Variants in FBXL17 observed in about 807,000 individuals in gnomAD.
FBXL17 encodes the protein F-box and leucine rich repeat protein 17.
In FBXL17, 22 loss-of-function variants were observed where a neutral mutation model predicts 66.2. The observed-to-expected ratio is 0.33, with a 90% CI of 0.24 to 0.47. The LOEUF is 0.47. Ranked by LOEUF, FBXL17 falls within the 20% of genes least tolerant of loss-of-function variation. FBXL17 has a pLI of 1.00. For missense variants in FBXL17, 878 were observed against 948.2 expected, an observed-to-expected ratio of 0.93 and a Z score of 0.97; for synonymous variants, 474 against 400.5, an observed-to-expected ratio of 1.18 and a Z score of -2.19.
chr5:108,019,570 G>A (rs1178467980), intron 7 of FBXL17, among the ~76,000 whole-genome samples: 1 of 151,932 alleles, frequency 6.6e-6, no homozygotes, highest in Non-Finnish European at 1.5e-5. Context: ...GTAATGACAA[G>A]TTTCAAATGA....
intron 4 of FBXL17, among the ~76,000 whole-genome samples, chr5:108,262,066 A>ATTTTTTTTTTT (rs1164308201): frequency 3.7e-5 from 5 of 134,030 alleles, no homozygotes; most frequent in African/African-American, 1.2e-4. Flanking sequence ...TTATTTATTT[A>ATTTTTTTTTTT]TTTATTTATT....
chr5:108,209,528 G>A (rs553432983), intron 5 of FBXL17, among the ~76,000 whole-genome samples: 79 of 152,230 alleles, frequency 5.2e-4, no homozygotes, highest in African/African-American at 1.9e-3. Flanking sequence ...AAGGGGTGTT[G>A]AATTTTGTCG....
At chr5:108,304,085 T>C (rs1301005910) in intron 4 of FBXL17, among the ~76,000 whole-genome samples, 1 of 151,870 alleles carries the variant, frequency 6.6e-6, no homozygotes, top group Non-Finnish European at 1.5e-5. Context: ...AAGACATGTG[T>C]CTCCACCCAT....
At chr5:108,033,040 T>G (rs1746704311) in intron 6 of FBXL17, among the ~76,000 whole-genome samples, 1 of 152,178 alleles carries the variant, frequency 6.6e-6, no homozygotes, top group Non-Finnish European at 1.5e-5. Context: ...GGTATGTATT[T>G]AAAACTTGAA....
intron 4 of FBXL17, among the ~76,000 whole-genome samples, chr5:108,344,926 T>C (rs1325319694): frequency 1.3e-5 from 2 of 152,252 alleles, no homozygotes; most frequent in Admixed American, 1.3e-4. Flanking sequence ...AATCTATGTG[T>C]ATAGTCGACA....
At chr5:108,344,691 G>T (rs17161256) in intron 4 of FBXL17, among the ~76,000 whole-genome samples, 181 of 152,252 alleles carry the variant, frequency 1.2e-3, no homozygotes, top group African/African-American at 4.3e-3. Context: ...CACCCAAAGA[G>T]GTTCTCTGTC....
intron 7 of FBXL17, among the ~76,000 whole-genome samples, chr5:107,983,111 G>C (rs1412403390): frequency 1.3e-5 from 2 of 151,912 alleles, no homozygotes; most frequent in Non-Finnish European, 2.9e-5. Context: ...GCCTAGACCT[G>C]ACGACTTTTC....
chr5:108,234,970 T>C (rs1203471701), intron 4 of FBXL17, among the ~76,000 whole-genome samples: 2 of 152,168 alleles, frequency 1.3e-5, no homozygotes, highest in Non-Finnish European at 2.9e-5. Flanking sequence ...AGACTTGAAG[T>C]TTTCTTGGAC....
chr5:108,143,225 A>C (rs147246895), intron 6 of FBXL17, among the ~76,000 whole-genome samples: 2 of 152,114 alleles, frequency 1.3e-5, no homozygotes, highest in Non-Finnish European at 2.9e-5. Context: ...GATGAATTTC[A>C]ATGCTTAAAG....
At chr5:107,885,822 C>T (rs775487256) in intron 7 of FBXL17, among the ~76,000 whole-genome samples, 1 of 151,992 alleles carries the variant, frequency 6.6e-6, no homozygotes, top group Non-Finnish European at 1.5e-5. Context: ...AATAAAGAAG[C>T]AGGCACGAGA....
At chr5:108,182,595 T>C (rs534605494) in intron 6 of FBXL17, among the ~76,000 whole-genome samples, 1 of 152,300 alleles carries the variant, frequency 6.6e-6, no homozygotes, top group Admixed American at 6.5e-5. Flanking sequence ...TAATCCAAAC[T>C]TTTCCATTAA....
intron 5 of FBXL17, among the ~76,000 whole-genome samples, chr5:108,222,664 T>C (rs1754916900): frequency 6.9e-6 from 1 of 145,176 alleles, no homozygotes; most frequent in Non-Finnish European, 1.5e-5. Flanking sequence ...ATTTAGATAC[T>C]ATGGCATCTT....
chr5:108,092,042 G>T (rs565870124), intron 6 of FBXL17, among the ~76,000 whole-genome samples: 1 of 152,202 alleles, frequency 6.6e-6, no homozygotes, highest in Admixed American at 6.5e-5. Flanking sequence ...ATTAGCTTTG[G>T]CGCTGTCCTG....
At chr5:108,071,087 C>T (rs1748312609) in intron 6 of FBXL17, among the ~76,000 whole-genome samples, 1 of 152,148 alleles carries the variant, frequency 6.6e-6, no homozygotes, top group Admixed American at 6.5e-5. Flanking sequence ...AATAAAAGAA[C>T]AATTTGTGAC....
At chr5:108,120,924 TA>T (rs1333671529) in intron 6 of FBXL17, among the ~76,000 whole-genome samples, 3 of 152,070 alleles carry the variant, frequency 2.0e-5, no homozygotes, top group Non-Finnish European at 4.4e-5. Context: ...ATTTTTTTTA[TA>T]AAAAAAGAAC....
intron 1 of FBXL17, among the ~76,000 whole-genome samples, chr5:108,376,993 G>A (rs76536035): frequency 2.2e-4 from 33 of 152,052 alleles, no homozygotes; most frequent in African/African-American, 4.1e-4. Flanking sequence ...TGTGTCCTGG[G>A]CAGTGTGACT....
intron 4 of FBXL17, among the ~76,000 whole-genome samples, chr5:108,245,552 C>T (rs1355061053): frequency 6.6e-6 from 1 of 152,134 alleles, no homozygotes; most frequent in East Asian, 1.9e-4. Flanking sequence ...CTTTCTTACA[C>T]TTCAAACAGC....
intron 7 of FBXL17, among the ~76,000 whole-genome samples, chr5:108,003,558 A>C (rs542693816): frequency 1.3e-4 from 20 of 152,336 alleles, no homozygotes; most frequent in African/African-American, 4.6e-4. Context: ...ATCAGACATA[A>C]ATGTAGTAAA....
intron 4 of FBXL17, among the ~76,000 whole-genome samples, chr5:108,347,238 G>C (rs1747340511): frequency 6.6e-6 from 1 of 152,110 alleles, no homozygotes; most frequent in Non-Finnish European, 1.5e-5. Flanking sequence ...TCACTGTAAT[G>C]AATACTGCAG....
Sources: gnomAD v4.1 joint callset for allele counts (sites outside exome capture counted in the v4.1 genomes callset) on GRCh38, gnomAD v4.1.1 for gene constraint, MANE v1.5 for transcripts, NCBI Gene and HGNC (gene_info 2026-07-23, HGNC 2026-07-21) for gene names.